The following TMBIM6 variants were observed in gnomAD, a reference collection of about 807,000 sequenced individuals.
TMBIM6 encodes the protein transmembrane BAX inhibitor motif containing 6.
TMBIM6 carries 13 observed loss-of-function variants against 31.4 expected under a neutral mutation model. The observed-to-expected ratio is 0.41, with a 90% CI of 0.27 to 0.66. TMBIM6 has a LOEUF of 0.66. Among genes scored for constraint, TMBIM6 ranks in the 30% least tolerant of loss-of-function variants. TMBIM6 has a pLI of 0.28. For synonymous variants in TMBIM6, 85 were observed against 101.7 expected (o/e 0.84, Z 0.99); for missense variants, 275 against 289.5 (o/e 0.95, Z 0.36).
chr12:49,763,809 T>C lies in TMBIM6; in HGVS notation c.*913T>C, dbSNP rs1945765685. 6.6e-6 allele frequency: 1 copy of C among 152,140 alleles called. No homozygotes were observed. Among genetic ancestry groups the C allele is most frequent in the African/African-American group, 2.4e-5 (1 of 41,412 alleles). The allele number at this position is 152,140 out of a possible 1,614,324, so 9.4% of individuals were successfully genotyped here. A position where few individuals can be genotyped will look rare whatever the true frequency, so the allele number is the denominator to read the frequency against. ...ATTGTAACCAATCCTGCCAGACCTG[T>C]TTGGGGCAGTGGGGAGCAAACCTAG... On this transcript the variant is annotated 3_prime_UTR_variant, in exon 10 of 10. Coordinates refer to ENST00000267115, the MANE Select transcript of TMBIM6 (RefSeq NM_003217.3).
At chr12:49,755,794 A>G (rs566974786) in intron 4 of TMBIM6, 39 bp downstream of exon 4, 7 of 1,582,494 alleles carry the variant, frequency 4.4e-6, no homozygotes, top group Middle Eastern at 3.4e-4. Context: ...GGGGTGAGCT[A>G]TATTTTCAGT....
intron 1 of TMBIM6, among the ~76,000 whole-genome samples, chr12:49,746,631 G>A (rs1945399309): frequency 6.6e-6 from 1 of 152,210 alleles, no homozygotes; most frequent in Non-Finnish European, 1.5e-5. Flanking sequence ...CTTGCTGCAT[G>A]TCCCACTGCT....
chr12:49,747,419 C>T (rs1945415943), intron 1 of TMBIM6, among the ~76,000 whole-genome samples: 2 of 152,112 alleles, frequency 1.3e-5, no homozygotes, highest in Non-Finnish European at 2.9e-5. Flanking sequence ...AGCAATTCTC[C>T]TTCCTCAGCC....
At chr12:49,758,087 G>A in intron 4 of TMBIM6, 140 bp from the exon 5 acceptor site, 1 of 886,582 alleles carries the variant, frequency 1.1e-6, no homozygotes. Context: ...AACAATTACA[G>A]CGGAGGGGAG....
In TMBIM6 at chr12:49,760,688, C is replaced by T. The variant is rs368383816; in HGVS notation, c.615-1016C>T. ...AGTAGCTGGGATTACAGGCACTCTC[C>T]ACCACGTCCAGCTAATTTCTGTAAT... is the stretch of plus-strand genomic sequence containing the variant. On this transcript the variant is annotated intron_variant, in intron 8 of 9. Coordinates refer to ENST00000267115, the MANE Select transcript of TMBIM6 (RefSeq NM_003217.3). Among the ~76,000 whole-genome samples, 4 of 152,160 alleles carry T rather than the reference C, an allele frequency of 2.6e-5. 1 individual carries two copies. In the South Asian group the frequency reaches 8.3e-4, roughly 32 times the overall value.
At chr12:49,754,826 A>G (rs1173741715) in intron 3 of TMBIM6, among the ~76,000 whole-genome samples, 6 of 152,278 alleles carry the variant, frequency 3.9e-5, no homozygotes, top group Non-Finnish European at 8.8e-5. Flanking sequence ...CAGACTAGCA[A>G]TGAGAAGGAA....
chr12:49,757,342 C>T (rs1945623239), intron 4 of TMBIM6, among the ~76,000 whole-genome samples: 1 of 152,196 alleles, frequency 6.6e-6, no homozygotes, highest in Non-Finnish European at 1.5e-5. Context: ...AGGCATAGAA[C>T]TTTTAATAAA....
At chr12:49,745,180 G>A (rs958210465) in intron 1 of TMBIM6, among the ~76,000 whole-genome samples, 3 of 152,144 alleles carry the variant, frequency 2.0e-5, no homozygotes, top group Non-Finnish European at 4.4e-5. Flanking sequence ...TACCTCCTGG[G>A]AGTGGCAGGG....
At chr12:49,762,732 C>T in intron 9 of TMBIM6, 141 bp from the exon 10 acceptor site, 2 of 812,154 alleles carry the variant, frequency 2.5e-6, no homozygotes, top group South Asian at 3.4e-5. Context: ...AGATTCAGTT[C>T]TTGCTGAGCT....
Position 49,758,781 on chromosome 12 carries a change from C to G in TMBIM6, c.513+19C>G, listed in dbSNP as rs200327245. On this transcript the variant is annotated intron_variant, in intron 7 of 9. Coordinates refer to ENST00000267115, the MANE Select transcript of TMBIM6 (RefSeq NM_003217.3). ...TTTCCAGGTAAGACTTAGCCTGGAA[C>G]TTTCCAGCAGCCATTTGCCTCACAC... The G allele has an allele frequency of 8.1e-5, 129 of 1,584,194 alleles. 1 individual carries two copies. The East Asian group carries it at 2.5e-3, about 30-fold the overall frequency.
chr12:49,752,658 C>A, intron 2 of TMBIM6, 109 bp downstream of exon 2: 1 of 932,098 alleles, frequency 1.1e-6, no homozygotes, highest in Non-Finnish European at 1.7e-6. Flanking sequence ...ATTAACTTGG[C>A]CAGAATCCAG....
chr12:49,758,768 A>T lies in TMBIM6; in HGVS notation c.513+6A>T. On this transcript the variant is annotated splice_donor_region_variant and intron_variant, in intron 7 of 9. Coordinates refer to ENST00000267115, the MANE Select transcript of TMBIM6 (RefSeq NM_003217.3). Reference sequence around the variant, plus strand: ...GATCCATTTGGCTTTTCCAGGTAAGACTTAGCCTGGAACTTTCCAGCAGCC... The same window carrying T: ...GATCCATTTGGCTTTTCCAGGTAAGTCTTAGCCTGGAACTTTCCAGCAGCC... The T allele has an allele frequency of 6.2e-7, 1 of 1,609,758 alleles. No homozygotes were observed. The highest frequency in any genetic ancestry group is 8.5e-7 in the Non-Finnish European group (1 of 1,178,896).
intron 7 of TMBIM6, 54 bp downstream of exon 7, chr12:49,758,816 T>TC: frequency 7.1e-7 from 1 of 1,408,128 alleles, no homozygotes; most frequent in Non-Finnish European, 9.8e-7. Context: ...CTTCTTTCTT[T>TC]CCTTTTTTTT....
chr12:49,755,864 C>G, intron 4 of TMBIM6, 109 bp downstream of exon 4: 1 of 1,270,588 alleles, frequency 7.9e-7, no homozygotes, highest in Non-Finnish European at 1.1e-6. Flanking sequence ...GACAGAGTCT[C>G]GCTCTGTTGC....
chr12:49,741,596 G>C lies in TMBIM6; in HGVS notation c.-46G>C, dbSNP rs1375492269. The C allele has an allele frequency of 6.3e-6, 1 of 158,844 alleles. No individual in the cohort carries two copies. Among genetic ancestry groups the C allele is most frequent in the African/African-American group, 2.4e-5 (1 of 41,490 alleles). 9.8% of individuals were successfully genotyped at this position (158,844 alleles called of 1,614,324 possible). On this transcript the variant is annotated 5_prime_UTR_variant, in exon 1 of 10. Transcript: ENST00000267115. The stretch of plus-strand genomic sequence containing the variant: ...GTTAGAAGCGCTGGTAGGCCTTGGA[G>C]AGGCGGGTTAGGAAGGTACGTCTGA...
rs1945648436 is a variant in TMBIM6 at position 49,758,434 on chromosome 12, C to T, written c.387C>T (p.Thr129=). The T allele has an allele frequency of 4.3e-6, 7 of 1,614,186 alleles. No homozygotes were observed. In the East Asian group the frequency reaches 1.3e-4, roughly 31 times the overall value. The change falls in exon 6 of 10, where the codon ACC becomes ACT. Residue 129 remains threonine (T), a synonymous_variant. Coordinates refer to ENST00000267115, the MANE Select transcript of TMBIM6 (RefSeq NM_003217.3). ...MGTAMIFTCF[T]LSALYARRRS... ...CGGCAATGATCTTTACCTGCTTCACCCTCAGTGCACTCTATGCCAGGCGCC... is the reference window on the plus strand; with the variant it reads ...CGGCAATGATCTTTACCTGCTTCACTCTCAGTGCACTCTATGCCAGGCGCC...
At chr12:49,743,233 A>G (rs1945330397) in intron 1 of TMBIM6, among the ~76,000 whole-genome samples, 1 of 148,250 alleles carries the variant, frequency 6.7e-6, no homozygotes, top group South Asian at 2.1e-4. Context: ...TTTATTTATT[A>G]TTATTATTAT....
chr12:49,754,630 A>G (rs538834650), intron 3 of TMBIM6, among the ~76,000 whole-genome samples: 3 of 152,340 alleles, frequency 2.0e-5, no homozygotes, highest in Non-Finnish European at 4.4e-5. Context: ...TATAACATAA[A>G]CACTGAATAA....
chr12:49,742,459 C>A, intron 1 of TMBIM6: 1 of 850,904 alleles, frequency 1.2e-6, no homozygotes, highest in Non-Finnish European at 1.7e-6. Context: ...GGTGCCAGCC[C>A]GGGCTGCTTG....
Sources: allele counts gnomAD v4.1 joint callset (sites outside exome capture counted in the v4.1 genomes callset), GRCh38; gene constraint gnomAD v4.1.1; transcripts MANE v1.5; gene names NCBI Gene and HGNC (gene_info 2026-07-23, HGNC 2026-07-21).